The following CDC42BPA variants were observed in gnomAD, a reference collection of about 807,000 sequenced individuals.
CDC42BPA encodes serine/threonine-protein kinase MRCK alpha.
Under a neutral mutation model 223.5 loss-of-function variants are expected in CDC42BPA, and 80 were observed. The observed-to-expected ratio is 0.36, with a 90% CI of 0.30 to 0.43. The LOEUF (loss-of-function observed/expected upper bound fraction) is 0.43, where lower values mean the gene tolerates loss of function less well. Ranked by LOEUF, CDC42BPA falls within the 20% of genes least tolerant of loss-of-function variation. The pLI, the probability that CDC42BPA is intolerant of heterozygous loss-of-function variation, is 1.00. For synonymous variants in CDC42BPA, 694 were observed against 718.6 expected (o/e 0.97, Z 0.55); for missense variants, 1,743 against 2,099.9 (o/e 0.83, Z 3.32).
intron 16 of CDC42BPA, among the ~76,000 whole-genome samples, chr1:227,087,778 ATTTGCT>A (rs1171609867): frequency 6.6e-6 from 1 of 152,120 alleles, no homozygotes; most frequent in Non-Finnish European, 1.5e-5. Context: ...TGACAATTGC[ATTTGCT>A]TTTTAGTATT....
intron 6 of CDC42BPA, among the ~76,000 whole-genome samples, chr1:227,151,806 A>G (rs1661804295): frequency 7.0e-6 from 1 of 142,392 alleles, no homozygotes; most frequent in Non-Finnish European, 1.5e-5. Flanking sequence ...GCACTTTGGG[A>G]GGCTGAGGTG....
chr1:227,245,881 A>T (rs1480890949), intron 2 of CDC42BPA, among the ~76,000 whole-genome samples: 1 of 152,204 alleles, frequency 6.6e-6, no homozygotes, highest in African/African-American at 2.4e-5. Context: ...GAGACCCAGC[A>T]CATTCCCAGT....
At chr1:227,015,446 G>A (rs1666021632) in intron 34 of CDC42BPA, among the ~76,000 whole-genome samples, 1 of 151,922 alleles carries the variant, frequency 6.6e-6, no homozygotes, top group Admixed American at 6.6e-5. Context: ...AAAGAAATGG[G>A]GTCTTGCTTA....
intron 16 of CDC42BPA, among the ~76,000 whole-genome samples, chr1:227,087,784 T>A (rs953369120): frequency 2.0e-5 from 3 of 152,246 alleles, no homozygotes; most frequent in African/African-American, 7.2e-5. Context: ...TTGCATTTGC[T>A]TTTTAGTATT....
At chr1:227,035,680 A>G (rs1670079061) in intron 24 of CDC42BPA, 73 bp from the exon 25 acceptor site, 1 of 1,060,816 alleles carries the variant, frequency 9.4e-7, no homozygotes, top group Non-Finnish European at 1.4e-6. Context: ...CACTCACTGC[A>G]TACAAGATGC....
At chr1:227,121,816 T>C (rs1209516697) in intron 11 of CDC42BPA, among the ~76,000 whole-genome samples, 6 of 151,148 alleles carry the variant, frequency 4.0e-5, no homozygotes, top group Non-Finnish European at 7.4e-5. Flanking sequence ...TTTTTTTTTT[T>C]TGGAGACGGA....
At chr1:227,271,167 T>C (rs1000819377) in intron 1 of CDC42BPA, among the ~76,000 whole-genome samples, 4 of 152,230 alleles carry the variant, frequency 2.6e-5, no homozygotes, top group African/African-American at 9.6e-5. Flanking sequence ...TAAATGTTAA[T>C]TATACTGTTT....
At chr1:227,185,654 T>C (rs570088688) in intron 5 of CDC42BPA, among the ~76,000 whole-genome samples, 13 of 152,210 alleles carry the variant, frequency 8.5e-5, no homozygotes, top group Non-Finnish European at 1.3e-4. Context: ...CCCCCCTCCC[T>C]CTGTCTCTGT....
intron 1 of CDC42BPA, among the ~76,000 whole-genome samples, chr1:227,270,089 A>G (rs1295865128): frequency 6.6e-6 from 1 of 152,188 alleles, no homozygotes; most frequent in Non-Finnish European, 1.5e-5. Context: ...ATACCCACAT[A>G]TATCCATACA....
chr1:227,080,361 T>C (rs1288214896), intron 17 of CDC42BPA, among the ~76,000 whole-genome samples: 3 of 152,134 alleles, frequency 2.0e-5, no homozygotes, highest in Admixed American at 2.0e-4. Context: ...GTTACTAAGA[T>C]GAATATTCCA....
At position 227,193,945 on chromosome 1, in the gene CDC42BPA, A is replaced by G; in HGVS notation, c.451-11T>C. 1 of 1,592,802 alleles carries G rather than the reference A, an allele frequency of 6.3e-7. No homozygotes were observed. ...ATCCATAACCAGGTACTGTGAATGAAAAAAATAAAATGTACTCAGTAAACT... is the reference window on the plus strand; with the variant it reads ...ATCCATAACCAGGTACTGTGAATGAGAAAAATAAAATGTACTCAGTAAACT... On this transcript the variant is annotated splice_polypyrimidine_tract_variant and intron_variant, in intron 4 of 36. Transcript: ENST00000366766.
chr1:227,164,262 C>T (rs186221581), intron 5 of CDC42BPA, among the ~76,000 whole-genome samples: 1 of 152,216 alleles, frequency 6.6e-6, no homozygotes, highest in East Asian at 1.9e-4. Flanking sequence ...ATTGCCATTA[C>T]TCTTCTAGAT....
intron 2 of CDC42BPA, among the ~76,000 whole-genome samples, chr1:227,244,785 C>T (rs1411142037): frequency 2.0e-5 from 3 of 152,234 alleles, no homozygotes; most frequent in Non-Finnish European, 4.4e-5. Context: ...TTGAGGAAGA[C>T]AGGAGAGACA....
intron 12 of CDC42BPA, among the ~76,000 whole-genome samples, chr1:227,116,417 T>G (rs1687785291): frequency 6.6e-6 from 1 of 152,186 alleles, no homozygotes. Flanking sequence ...TTCTTTAACC[T>G]GATAAAAATT....
chr1:227,142,974 T>C lies in CDC42BPA; in HGVS notation c.1194A>G (p.Pro398=), dbSNP rs1659971710. 2 of 1,542,624 alleles carry C rather than the reference T, an allele frequency of 1.3e-6. No homozygotes were observed. Among genetic ancestry groups the C allele is most frequent in the Non-Finnish European group, 1.7e-6 (2 of 1,153,502 alleles). Residue 398 remains proline (P), a synonymous_variant, in exon 9 of 37, where the codon CCA becomes CCG. Transcript: ENST00000366766. ...THTAFSGHHL[P]FVGFTYTSSC... is the part of the protein sequence containing the mutation. ...TACTAGTATATGTAAAACCAACAAA[T>C]GGCAGATGGTGGCCAGAAAATGCAG...
intron 21 of CDC42BPA, among the ~76,000 whole-genome samples, chr1:227,057,319 A>G (rs1293305470): frequency 1.3e-5 from 2 of 152,092 alleles, no homozygotes; most frequent in African/African-American, 4.8e-5. Flanking sequence ...CAAGAATGCA[A>G]GAAACATTAT....
chr1:227,030,663 A>T (rs1228911197), intron 28 of CDC42BPA, among the ~76,000 whole-genome samples, 193 bp from the exon 29 acceptor site: 1 of 152,230 alleles, frequency 6.6e-6, no homozygotes, highest in East Asian at 1.9e-4. Context: ...TTAAAGAATA[A>T]TCCATATCAA....
Position 227,147,540 on chromosome 1 carries a change from A to G in CDC42BPA, c.713T>C (p.Val238Ala). ...EDGTVQSSVA[V>A]GTPDYISPEI... ...AGGAGAGATATAATCTGGAGTTCCT[A>G]CAGCCACTGAGGACTGAACCTGAAG... Residue 238 changes from valine (V) to alanine (A), a missense_variant, in exon 7 of 37, where the codon GTA becomes GCA. Transcript: ENST00000366766. 1 of 1,606,880 alleles carries G rather than the reference A, an allele frequency of 6.2e-7. No homozygotes were observed. The highest frequency in any genetic ancestry group is 8.5e-7 in the Non-Finnish European group (1 of 1,176,426).
intron 21 of CDC42BPA, among the ~76,000 whole-genome samples, chr1:227,052,459 A>G (rs1673711367): frequency 6.6e-6 from 1 of 152,214 alleles, no homozygotes; most frequent in South Asian, 2.1e-4. Flanking sequence ...GCAGGACACT[A>G]AAGTAAGTCT....
Sources: allele counts gnomAD v4.1 joint callset (sites outside exome capture counted in the v4.1 genomes callset), GRCh38; gene constraint gnomAD v4.1.1; transcripts MANE v1.5; gene names NCBI Gene and HGNC (gene_info 2026-07-23, HGNC 2026-07-21).